ARHGEF3: variants seen among roughly 807,000 people sequenced by gnomAD.
ARHGEF3 encodes 59.8 kDA protein.
A neutral mutation model predicts 63.2 loss-of-function variants in ARHGEF3; 28 were observed. The ratio of observed to expected loss-of-function variants is 0.44; its 90% CI spans 0.33 to 0.61. The LOEUF (loss-of-function observed/expected upper bound fraction) is 0.61. Ranked by LOEUF, ARHGEF3 falls within the 20% of genes least tolerant of loss-of-function variation. The pLI is 0.03. For synonymous variants in ARHGEF3, 266 were observed against 254.2 expected (o/e 1.05, Z -0.44); for missense variants, 533 against 659.3 (o/e 0.81, Z 2.10).
chr3:56,921,068 A>AAC (rs1193341524), intron 3 of ARHGEF3, among the ~76,000 whole-genome samples: 4 of 150,768 alleles, frequency 2.7e-5, no homozygotes, highest in Non-Finnish European at 4.4e-5. Context: ...AAAAAAAAAA[A>AAC]AAAAAAAAAC....
At chr3:56,945,254 G>A (rs565991746) in intron 3 of ARHGEF3, among the ~76,000 whole-genome samples, 4 of 152,256 alleles carry the variant, frequency 2.6e-5, no homozygotes, top group African/African-American at 9.6e-5. Flanking sequence ...TCACTGGGGA[G>A]TGTTGGAAAG....
intron 4 of ARHGEF3, among the ~76,000 whole-genome samples, chr3:56,865,810 C>T (rs796231368): frequency 3.2e-4 from 49 of 152,252 alleles, no homozygotes; most frequent in African/African-American, 1.2e-3. Flanking sequence ...CTCACCAGAA[C>T]TGGAATCCTA....
intron 2 of ARHGEF3, among the ~76,000 whole-genome samples, chr3:56,768,667 C>CAAAAAA (rs770390697): frequency 1.4e-3 from 60 of 43,674 alleles, no homozygotes; most frequent in Middle Eastern, 0.033. Flanking sequence ...AAGCAAAATG[C>CAAAAAA]AAAAAAAAAA....
At chr3:57,000,306 ACTCC>A (rs755718557) in intron 2 of ARHGEF3, among the ~76,000 whole-genome samples, 563 of 53,978 alleles carry the variant, frequency 0.01, 1 homozygote, top group Middle Eastern at 0.018. Context: ...TTAGAGGGTA[ACTCC>A]CACACACACA....
rs193025910 is a variant in ARHGEF3 at position 57,074,614 on chromosome 3, C to A, written c.-28+4612G>T. 2.0e-5 allele frequency: 5 copies of A among 255,992 alleles called. No homozygotes were observed. In the East Asian group the frequency reaches 3.6e-4, roughly 18 times the overall value. 15.9% of individuals were successfully genotyped at this position (255,992 alleles called of 1,614,324 possible). A position where few individuals can be genotyped will look rare whatever the true frequency, so the allele number is the denominator to read the frequency against. Reference sequence around the variant, plus strand: ...GTGGGAGGCATGCATCTCCTGATCCCCGATCCTATACATTTTCATCTCTTT... The same window carrying A: ...GTGGGAGGCATGCATCTCCTGATCCACGATCCTATACATTTTCATCTCTTT... On this transcript the variant is annotated intron_variant, in intron 1 of 12. Transcript: ENST00000338458.
At chr3:56,765,010 G>A (rs1376720649) in intron 2 of ARHGEF3, among the ~76,000 whole-genome samples, 1 of 151,970 alleles carries the variant, frequency 6.6e-6, no homozygotes, top group Non-Finnish European at 1.5e-5. Flanking sequence ...GCCTGTCTCG[G>A]CCTCCCAAAG....
At chr3:56,797,627 C>A (rs1014850532) in intron 1 of ARHGEF3, among the ~76,000 whole-genome samples, 1 of 152,096 alleles carries the variant, frequency 6.6e-6, no homozygotes, top group African/African-American at 2.4e-5. Flanking sequence ...ACCAGTAACC[C>A]TCTGGCTTTT....
intron 1 of ARHGEF3, among the ~76,000 whole-genome samples, chr3:57,062,591 A>G (rs1418931716): frequency 1.3e-5 from 2 of 152,190 alleles, no homozygotes; most frequent in East Asian, 3.9e-4. Context: ...TGAACAAAAC[A>G]AGGTTAAATA....
chr3:56,746,853 A>G (rs1201790354), intron 6 of ARHGEF3, among the ~76,000 whole-genome samples: 1 of 152,230 alleles, frequency 6.6e-6, no homozygotes, highest in Non-Finnish European at 1.5e-5. Context: ...GAAACCATAA[A>G]AAGGATACCA....
At chr3:56,906,763 G>A (rs942231850) in intron 3 of ARHGEF3, among the ~76,000 whole-genome samples, 1 of 151,128 alleles carries the variant, frequency 6.6e-6, no homozygotes, top group Non-Finnish European at 1.5e-5. Flanking sequence ...TTGAACCTGC[G>A]AGGCAAGAGG....
intron 2 of ARHGEF3, among the ~76,000 whole-genome samples, chr3:56,758,238 G>A (rs1220772949): frequency 1.3e-5 from 2 of 150,766 alleles, no homozygotes; most frequent in African/African-American, 2.4e-5. Context: ...CTGAGATTGC[G>A]CCACTGTACT....
chr3:56,932,380 T>C (rs1239345744), intron 3 of ARHGEF3, among the ~76,000 whole-genome samples: 1 of 152,122 alleles, frequency 6.6e-6, no homozygotes, highest in Non-Finnish European at 1.5e-5. Context: ...TCTCAAGTGC[T>C]TTTTTTCATA....
chr3:57,057,399 G>A (rs945111106), intron 1 of ARHGEF3, among the ~76,000 whole-genome samples: 6 of 152,120 alleles, frequency 3.9e-5, no homozygotes, highest in Non-Finnish European at 7.3e-5. Flanking sequence ...GTGAGCCACC[G>A]CGCCCGTCCA....
chr3:57,052,824 C>G (rs1158341904), intron 1 of ARHGEF3, among the ~76,000 whole-genome samples: 1 of 152,134 alleles, frequency 6.6e-6, no homozygotes, highest in African/African-American at 2.4e-5. Context: ...GCAGGAGTAC[C>G]CAAGCAGAAA....
At chr3:56,932,533 C>T (rs1410638785) in intron 3 of ARHGEF3, among the ~76,000 whole-genome samples, 1 of 152,040 alleles carries the variant, frequency 6.6e-6, no homozygotes, top group East Asian at 1.9e-4. Context: ...ACACCAACTG[C>T]CTCACATTAG....
At chr3:57,029,993 TGGGAGCTGATA>T (rs892590637) in intron 2 of ARHGEF3, among the ~76,000 whole-genome samples, 2 of 152,032 alleles carry the variant, frequency 1.3e-5, no homozygotes, top group African/African-American at 4.8e-5. Context: ...AATGCCAAGA[TGGGAGCTGATA>T]AGTGGATCAA....
intron 8 of ARHGEF3, among the ~76,000 whole-genome samples, chr3:56,735,434 G>C (rs1456266590): frequency 6.6e-6 from 1 of 151,320 alleles, no homozygotes; most frequent in African/African-American, 2.4e-5. Context: ...CAACTCTACC[G>C]GGTGAAAAAA....
chr3:56,796,890 A>C (rs865887397), intron 1 of ARHGEF3, among the ~76,000 whole-genome samples: 1 of 152,226 alleles, frequency 6.6e-6, no homozygotes, highest in South Asian at 2.1e-4. Flanking sequence ...TGATGATGAA[A>C]GGACTTACGG....
At chr3:56,964,220 G>A (rs1016049236) in intron 2 of ARHGEF3, among the ~76,000 whole-genome samples, 1 of 152,042 alleles carries the variant, frequency 6.6e-6, no homozygotes, top group Non-Finnish European at 1.5e-5. Context: ...GTACATGGTG[G>A]TGCATGCCTG....
Sources: gnomAD v4.1 joint callset for allele counts (sites outside exome capture counted in the v4.1 genomes callset) on GRCh38, gnomAD v4.1.1 for gene constraint, MANE v1.5 for transcripts, NCBI Gene and HGNC (gene_info 2026-07-23, HGNC 2026-07-21) for gene names.